Variants in HDAC9 observed in about 807,000 individuals in gnomAD.
HDAC9 encodes MEF-2 interacting transcription repressor (MITR) protein.
Under a neutral mutation model 139.4 loss-of-function variants are expected in HDAC9, and 41 were observed. The observed-to-expected ratio is 0.29, with a 90% CI of 0.23 to 0.38. HDAC9 has a LOEUF of 0.38. Among genes scored for constraint, HDAC9 ranks in the 10% least tolerant of loss-of-function variants. The pLI, the probability that HDAC9 is intolerant of heterozygous loss-of-function variation, is 1.00. For synonymous variants in HDAC9, 517 were observed against 476.2 expected (o/e 1.09, Z -1.12); for missense variants, 1,147 against 1,297.0 (o/e 0.88, Z 1.78).
rs183558800 is a variant in HDAC9, at chr7:18,170,449, G to T, written c.25+8100G>T. Among the ~76,000 whole-genome samples the T allele has an allele frequency of 5.9e-5, 9 of 152,212 alleles. No individual in the cohort carries two copies. In the East Asian group the frequency reaches 1.2e-3, roughly 20 times the overall value. On this transcript the variant is annotated intron_variant, in intron 2 of 12. Coordinates refer to the HDAC9 transcript ENST00000417496. Reference sequence around the variant, plus strand: ...CTGTGCAGAAGCTCTTCAGTTTAATGAGATCCCATTTGTCTATTTTGGCTT... The same window carrying T: ...CTGTGCAGAAGCTCTTCAGTTTAATTAGATCCCATTTGTCTATTTTGGCTT...
At chr7:18,488,772 A>AT (rs1396347942) in intron 1 of HDAC9, among the ~76,000 whole-genome samples, 1 of 152,014 alleles carries the variant, frequency 6.6e-6, no homozygotes, top group Non-Finnish European at 1.5e-5. Flanking sequence ...CAAGAAAGAT[A>AT]TTTTAATACT....
chr7:18,948,315 T>A (rs1235524245), intron 23 of HDAC9, among the ~76,000 whole-genome samples: 1 of 152,014 alleles, frequency 6.6e-6, no homozygotes, highest in East Asian at 1.9e-4. Context: ...ATGAAGAAAA[T>A]CTATTAAAAG....
chr7:18,556,043 T>C (rs1818695307), intron 2 of HDAC9, among the ~76,000 whole-genome samples: 1 of 152,088 alleles, frequency 6.6e-6, no homozygotes, highest in African/African-American at 2.4e-5. Context: ...TAAATATATC[T>C]TTTTAATTGG....
chr7:18,409,154 C>G (rs979460165), intron 1 of HDAC9, among the ~76,000 whole-genome samples: 2 of 152,124 alleles, frequency 1.3e-5, no homozygotes, highest in African/African-American at 4.8e-5. Context: ...GCCTTGGAAG[C>G]AAACAAATTA....
chr7:18,869,483 C>G (rs868587037), intron 21 of HDAC9, among the ~76,000 whole-genome samples: 4 of 152,228 alleles, frequency 2.6e-5, no homozygotes, highest in Middle Eastern at 6.8e-3. Context: ...ATGCCAGCAT[C>G]ATGCTTCCTG....
chr7:18,590,613 G>C (rs1243344328), intron 4 of HDAC9, 127 bp downstream of exon 4: 1 of 962,368 alleles, frequency 1.0e-6, no homozygotes, highest in East Asian at 2.7e-5. Context: ...TAAAAGCATA[G>C]ATTACAGACC....
At chr7:18,175,776 C>CCCG (rs1788848261) in intron 2 of HDAC9, among the ~76,000 whole-genome samples, 1 of 142,134 alleles carries the variant, frequency 7.0e-6, no homozygotes, top group Non-Finnish European at 1.5e-5. Context: ...TAACCCCCCC[C>CCCG]CCCCTTTTTT....
At chr7:18,256,376 A>AGT (rs1303710764) in intron 2 of HDAC9, among the ~76,000 whole-genome samples, 7 of 152,162 alleles carry the variant, frequency 4.6e-5, no homozygotes, top group Admixed American at 2.0e-4. Context: ...ATTCTGTAGG[A>AGT]GTTTGGAGCT....
At chr7:18,279,621 A>T (rs1796968720) in intron 2 of HDAC9, among the ~76,000 whole-genome samples, 1 of 151,800 alleles carries the variant, frequency 6.6e-6, no homozygotes, top group South Asian at 2.1e-4. Flanking sequence ...GCCCGCCACC[A>T]CAGCTGGCTA....
At position 18,998,304 on chromosome 7, in the gene HDAC9, T is replaced by G. The variant is rs1431234456; in HGVS notation, c.*2242T>G. 6.6e-6 allele frequency: 1 copy of G among 151,206 alleles called. No homozygotes were observed. Among genetic ancestry groups the G allele is most frequent in the Non-Finnish European group, 1.5e-5 (1 of 68,010 alleles). 9.4% of individuals were successfully genotyped at this position (151,206 alleles called of 1,614,324 possible). A position where few individuals can be genotyped will look rare whatever the true frequency, so the allele number is the denominator to read the frequency against. ...AATTTACTAAAGTTTCCTACAACAGTTTAGCCACATGTTTATGCCAAGCCA... is the reference window on the plus strand; with the variant it reads ...AATTTACTAAAGTTTCCTACAACAGGTTAGCCACATGTTTATGCCAAGCCA... On this transcript the variant is annotated 3_prime_UTR_variant, in exon 26 of 26. Coordinates refer to ENST00000686413, the MANE Select transcript of HDAC9 (RefSeq NM_178425.4).
At chr7:18,932,593 C>T (rs930494242) in intron 22 of HDAC9, among the ~76,000 whole-genome samples, 2 of 151,544 alleles carry the variant, frequency 1.3e-5, no homozygotes, top group Admixed American at 1.3e-4. Context: ...GAGGCTTGGG[C>T]CTAAGAAGGG....
intron 2 of HDAC9, among the ~76,000 whole-genome samples, chr7:18,273,177 C>G (rs761375644): frequency 6.6e-6 from 1 of 151,076 alleles, no homozygotes; most frequent in South Asian, 2.1e-4. Context: ...AGCCATCCTC[C>G]CACCTCAGCC....
chr7:18,590,277 A>C, intron 3 of HDAC9, 59 bp from the exon 4 acceptor site: 1 of 1,561,028 alleles, frequency 6.4e-7, no homozygotes, highest in East Asian at 2.3e-5. Context: ...AGTTTTGGTC[A>C]GTGATGACTA....
intron 2 of HDAC9, among the ~76,000 whole-genome samples, chr7:18,249,697 A>AT (rs1193968615): frequency 2.6e-5 from 4 of 151,884 alleles, no homozygotes; most frequent in South Asian, 2.1e-4. Context: ...AGGTATTTCC[A>AT]TTTTTTTCTG....
intron 1 of HDAC9, among the ~76,000 whole-genome samples, chr7:18,408,626 C>T (rs528114220): frequency 4.9e-4 from 75 of 152,204 alleles, no homozygotes; most frequent in African/African-American, 1.7e-3. Flanking sequence ...ACTAATGGGC[C>T]GTTTATGAAA....
intron 11 of HDAC9, among the ~76,000 whole-genome samples, chr7:18,660,722 T>A (rs990219206): frequency 6.6e-6 from 1 of 152,064 alleles, no homozygotes; most frequent in Non-Finnish European, 1.5e-5. Flanking sequence ...TGTAAAGATT[T>A]GAGGGAGTAG....
intron 12 of HDAC9, among the ~76,000 whole-genome samples, chr7:18,686,657 C>A (rs1355305084): frequency 1.3e-5 from 2 of 151,888 alleles, no homozygotes; most frequent in East Asian, 3.9e-4. Context: ...TATAGCCTGG[C>A]ATAAATTCTT....
At chr7:18,869,147 G>GGGGTGTGTGTGT (rs869054896) in intron 21 of HDAC9, among the ~76,000 whole-genome samples, 1 of 138,128 alleles carries the variant, frequency 7.2e-6, no homozygotes, top group African/African-American at 2.8e-5. Context: ...TCACAATTGG[G>GGGGTGTGTGTGT]GTGTGTGTGT....
rs777497612 is a variant in HDAC9 at position 18,648,722 on chromosome 7, G to C, written c.1467+39G>C. The C allele has an allele frequency of 1.9e-6, 3 of 1,556,066 alleles. No homozygotes were observed. The Admixed American group carries it at 5.6e-5, about 29-fold the overall frequency. ...CCAAGTCAAAATGTTCTAACCGCCA[G>C]TTTGGAAATTGGGTATCTCTTCACT... On this transcript the variant is annotated intron_variant, in intron 11 of 25. Coordinates refer to ENST00000686413, the MANE Select transcript of HDAC9 (RefSeq NM_178425.4).
Sources: allele counts gnomAD v4.1 joint callset (sites outside exome capture counted in the v4.1 genomes callset), GRCh38; gene constraint gnomAD v4.1.1; transcripts MANE v1.5; gene names NCBI Gene and HGNC (gene_info 2026-07-23, HGNC 2026-07-21).